Variants in ZC3H12B observed in about 807,000 individuals in gnomAD.
The protein encoded by ZC3H12B is zinc finger CCCH-type containing 12B.
In ZC3H12B, 7 loss-of-function variants were observed where a neutral mutation model predicts 43.9. That is an observed-to-expected ratio of 0.16 (90% confidence interval 0.09 to 0.30). The LOEUF is 0.30. ZC3H12B is among the 10% of genes least tolerant of loss of function. The pLI is 1.00. For missense variants in ZC3H12B, 475 were observed against 670.2 expected (o/e 0.71, Z 3.22); for synonymous variants, 222 against 241.7 (o/e 0.92, Z 0.76).
At chrX:65,229,617 A>G in the ZC3H12B span, among the ~76,000 whole-genome samples, 1 of 107,394 alleles carries the variant, frequency 9.3e-6, no homozygotes, top group Non-Finnish European at 1.9e-5. Context: ...ATGGGAGAAA[A>G]TTTTCGCAAC....
At chrX:65,366,945 T>A (rs754641028) in intron 1 of ZC3H12B, among the ~76,000 whole-genome samples, 179 bp downstream of exon 3, 1 of 112,418 alleles carries the variant, frequency 8.9e-6, no homozygotes, top group East Asian at 2.8e-4. Context: ...ATCAGGAAAA[T>A]GCTTTCTCCC....
At chrX:65,042,957 T>C in the ZC3H12B span, among the ~76,000 whole-genome samples, 8 of 111,385 alleles carry the variant, frequency 7.2e-5, no homozygotes, top group African/African-American at 2.6e-4. Context: ...TTATTCTCAC[T>C]TAATCAGCAC....
the ZC3H12B span, among the ~76,000 whole-genome samples, chrX:65,252,861 C>T: frequency 6.3e-4 from 70 of 111,879 alleles, no homozygotes; most frequent in African/African-American, 2.2e-3. Flanking sequence ...TAAATTTCCT[C>T]AAGAATAAAT....
chrX:65,252,923 C>T, the ZC3H12B span, among the ~76,000 whole-genome samples: 72 of 111,702 alleles, frequency 6.4e-4, no homozygotes, highest in Non-Finnish European at 1.1e-3. Context: ...ATTTGCTTTG[C>T]CTTTAAATTA....
At chrX:65,407,265 C>A (rs1157369536) in intron 3 of ZC3H12B, among the ~76,000 whole-genome samples, 1 of 111,484 alleles carries the variant, frequency 9.0e-6, no homozygotes, top group Non-Finnish European at 1.9e-5. Flanking sequence ...TGATGCTCCC[C>A]GAGCTCGAGG....
At chrX:65,292,952 C>G in the ZC3H12B span, among the ~76,000 whole-genome samples, 1 of 112,031 alleles carries the variant, frequency 8.9e-6, no homozygotes, top group Non-Finnish European at 1.9e-5. Context: ...CCACTGCACT[C>G]AAGCATGGGC....
At chrX:65,388,309 G>T (rs1214660993) in intron 2 of ZC3H12B, among the ~76,000 whole-genome samples, 1 of 111,790 alleles carries the variant, frequency 8.9e-6, no homozygotes, top group Non-Finnish European at 1.9e-5. Context: ...TTTTCACATA[G>T]TCCCATATTT....
rs183541484 is a variant in ZC3H12B, at chrX:65,415,194, T to C, written n.407+16490T>C. 3.8e-4 allele frequency among the ~76,000 whole-genome samples: 43 copies of C among 112,470 alleles called. 1 individual carries two copies. The highest frequency in any genetic ancestry group is 1.3e-3 in the African/African-American group (40 of 30,996). On this transcript the variant is annotated intron_variant and non_coding_transcript_variant, in intron 3 of 5. Transcript: ENST00000617377. ...GACCTAGAATCAATAAAAAGGAATG[T>C]CTAGGTGAAGATAAGGGATTGTGAA...
the ZC3H12B span, among the ~76,000 whole-genome samples, chrX:65,127,979 C>T: frequency 8.9e-6 from 1 of 111,897 alleles, no homozygotes; most frequent in South Asian, 3.7e-4. Context: ...CAAGCAGACT[C>T]ACAGTTTTTC....
At chrX:65,061,868 A>C in the ZC3H12B span, among the ~76,000 whole-genome samples, 5 of 112,577 alleles carry the variant, frequency 4.4e-5, no homozygotes, top group African/African-American at 1.6e-4. Flanking sequence ...TCTAACTGGC[A>C]TGAGATGGTA....
chrX:65,207,745 T>G, the ZC3H12B span, among the ~76,000 whole-genome samples: 1 of 76,123 alleles, frequency 1.3e-5, no homozygotes, highest in African/African-American at 5.2e-5. Flanking sequence ...GGGATGGCAT[T>G]GAATCTGTAA....
the ZC3H12B span, among the ~76,000 whole-genome samples, chrX:65,284,710 G>A: frequency 9.0e-6 from 1 of 110,524 alleles, no homozygotes; most frequent in Non-Finnish European, 1.9e-5. Context: ...GCAGTGAGCT[G>A]AGATTGTGCC....
the ZC3H12B span, among the ~76,000 whole-genome samples, chrX:65,159,671 A>G: frequency 3.6e-5 from 4 of 111,923 alleles, no homozygotes; most frequent in African/African-American, 9.7e-5. Flanking sequence ...GGCTGAGACA[A>G]TGGAGTTTTC....
intron 2 of ZC3H12B, among the ~76,000 whole-genome samples, chrX:65,383,007 T>C (rs1208530328): frequency 9.0e-6 from 1 of 110,861 alleles, no homozygotes; most frequent in African/African-American, 3.4e-5. Context: ...AGAACCAATA[T>C]CGTGAAAATG....
intron 3 of ZC3H12B, among the ~76,000 whole-genome samples, chrX:65,446,401 G>A (rs1000666598): frequency 1.8e-5 from 2 of 111,691 alleles, no homozygotes; most frequent in African/African-American, 6.5e-5. Context: ...TCTAAGCCCA[G>A]CACAGCACCA....
the ZC3H12B span, among the ~76,000 whole-genome samples, chrX:65,296,127 C>A: frequency 1.8e-5 from 2 of 111,546 alleles, no homozygotes; most frequent in African/African-American, 6.5e-5. Flanking sequence ...CATCAGTCAA[C>A]GAATGAATAA....
At chrX:65,163,581 G>A in the ZC3H12B span, among the ~76,000 whole-genome samples, 8 of 111,646 alleles carry the variant, frequency 7.2e-5, no homozygotes, top group African/African-American at 2.6e-4. Flanking sequence ...AGCTATGTGC[G>A]GGATATAATC....
At chrX:65,159,381 T>G in the ZC3H12B span, among the ~76,000 whole-genome samples, 1 of 112,030 alleles carries the variant, frequency 8.9e-6, no homozygotes, top group South Asian at 3.7e-4. Context: ...TTCATGGTAT[T>G]GATTCTTCCT....
the ZC3H12B span, among the ~76,000 whole-genome samples, chrX:65,126,321 C>T: frequency 9.0e-5 from 10 of 111,156 alleles, no homozygotes; most frequent in South Asian, 3.8e-3. Flanking sequence ...GATCCAAATC[C>T]CTTCTAGTTT....
Sources: gnomAD v4.1 joint callset for allele counts (sites outside exome capture counted in the v4.1 genomes callset) on GRCh38, gnomAD v4.1.1 for gene constraint, MANE v1.5 for transcripts, NCBI Gene and HGNC (gene_info 2026-07-23, HGNC 2026-07-21) for gene names.